The following SH3BP4 variants were observed in gnomAD, a reference collection of about 807,000 sequenced individuals.
SH3BP4 encodes SH3 domain-binding protein 4.
In SH3BP4, 33 loss-of-function variants were observed where a neutral mutation model predicts 65.5. The observed-to-expected ratio is 0.50, with a 90% CI of 0.38 to 0.67. The LOEUF (loss-of-function observed/expected upper bound fraction) is 0.67. Ranked by LOEUF, SH3BP4 falls within the 30% of genes least tolerant of loss-of-function variation. SH3BP4 has a pLI of 0.00. For missense variants in SH3BP4, 1,134 were observed against 1,261.4 expected, an observed-to-expected ratio of 0.90 and a Z score of 1.53; for synonymous variants, 552 against 545.5, an observed-to-expected ratio of 1.01 and a Z score of -0.17.
At chr2:234,998,642 AC>A (rs746711431) in intron 2 of SH3BP4, among the ~76,000 whole-genome samples, 2 of 152,242 alleles carry the variant, frequency 1.3e-5, no homozygotes, top group Non-Finnish European at 2.9e-5. Context: ...CTGTGTCACC[AC>A]CGCCTCTCTC....
intron 3 of SH3BP4, among the ~76,000 whole-genome samples, chr2:235,038,371 A>ATTTTT (rs1559254573): frequency 2.2e-5 from 1 of 45,886 alleles, no homozygotes; most frequent in East Asian, 5.7e-4. Flanking sequence ...TATATAATAT[A>ATTTTT]TATACATATA....
rs1695294297 is a variant in SH3BP4 at position 235,034,173 on chromosome 2, A to AT, written c.-132-698_-132-697insT. Among the ~76,000 whole-genome samples, 1 of 152,116 alleles carries AT rather than the reference A, an allele frequency of 6.6e-6. No individual in the cohort carries two copies. Among genetic ancestry groups the AT allele is most frequent in the South Asian group, 2.1e-4 (1 of 4,820 alleles). Reference sequence around the variant, plus strand: ...TCTGTGCGCCCTTCCAGAAAAAAAAAGCAGAGGCCTTAGGGGTGATTCTTG... The same window carrying AT: ...TCTGTGCGCCCTTCCAGAAAAAAAAATGCAGAGGCCTTAGGGGTGATTCTTG... On this transcript the variant is annotated intron_variant, in intron 2 of 5. Transcript: ENST00000392011. This position sits in a 1 kb window ranked among gnomAD's most constrained non-coding sequence, Gnocchi z 6.2.
chr2:235,050,559 T>C lies in SH3BP4; in HGVS notation c.2479-2003T>C, dbSNP rs985660824. Reference sequence around the variant, plus strand: ...GAATGATCTGTCGCTCCTGGTTCTTTTTAAATTCCATGGATTGAGATGCTG... The same window carrying C: ...GAATGATCTGTCGCTCCTGGTTCTTCTTAAATTCCATGGATTGAGATGCTG... On this transcript the variant is annotated intron_variant, in intron 4 of 5. Transcript: ENST00000392011. Among the ~76,000 whole-genome samples the C allele has an allele frequency of 2.0e-5, 3 of 152,202 alleles. No individual in the cohort carries two copies. The South Asian group carries it at 6.2e-4, about 32-fold the overall frequency.
rs147117082 is a variant in SH3BP4, at chr2:235,014,216, A to G, written c.-133+18840A>G. On this transcript the variant is annotated intron_variant, in intron 2 of 5. Coordinates refer to ENST00000392011, the MANE Select transcript of SH3BP4 (RefSeq NM_014521.3). ...CCGACATCAGCCTGATCCTTCAGGA[A>G]TGTTTGGCGAGCAGGATCGGGCGAT... Among the ~76,000 whole-genome samples, 854 of 152,286 alleles carry G rather than the reference A, an allele frequency of 5.6e-3. 6 individuals carry two copies. Among genetic ancestry groups the G allele is most frequent in the African/African-American group, 0.02 (818 of 41,550 alleles).
chr2:234,964,092 G>T (rs1016194353), intron 1 of SH3BP4, among the ~76,000 whole-genome samples: 2 of 152,194 alleles, frequency 1.3e-5, no homozygotes, highest in African/African-American at 4.8e-5. Flanking sequence ...CGCAGTATTT[G>T]TGAGTCATCC....
rs1047538941 is a variant in SH3BP4 at position 234,997,689 on chromosome 2, C to T, written c.-133+2313C>T. Among the ~76,000 whole-genome samples, 2 of 152,188 alleles carry T rather than the reference C, an allele frequency of 1.3e-5. No homozygotes were observed. The highest frequency in any genetic ancestry group is 4.8e-5 in the African/African-American group (2 of 41,442). ...GGCTGGGAAGGGTGAGCTCCAGCCCCCGGTGGCTTGAACACCCTCTGTAGT... is the reference window on the plus strand; with the variant it reads ...GGCTGGGAAGGGTGAGCTCCAGCCCTCGGTGGCTTGAACACCCTCTGTAGT... On this transcript the variant is annotated intron_variant, in intron 2 of 5. Coordinates refer to ENST00000392011, the MANE Select transcript of SH3BP4 (RefSeq NM_014521.3). The surrounding 1 kb of genome is among the most constrained non-coding windows in gnomAD (Gnocchi z 4.2).
chr2:234,963,278 T>C (rs911320373), intron 1 of SH3BP4, among the ~76,000 whole-genome samples: 1 of 152,220 alleles, frequency 6.6e-6, no homozygotes, highest in Admixed American at 6.5e-5. Context: ...GCATGTTAAG[T>C]TTCTCATTTG....
At chr2:235,017,078 G>A (rs1694708808) in intron 2 of SH3BP4, among the ~76,000 whole-genome samples, 2 of 112,840 alleles carry the variant, frequency 1.8e-5, no homozygotes, top group African/African-American at 3.6e-5. Flanking sequence ...TTGGTATATA[G>A]CCTTCTCATG....
intron 2 of SH3BP4, among the ~76,000 whole-genome samples, chr2:234,996,520 G>A (rs377260717): frequency 2.0e-5 from 3 of 152,160 alleles, no homozygotes; most frequent in East Asian, 1.9e-4. Context: ...TCAGTCCTCC[G>A]CCCACTGGGG....
chr2:234,960,679 C>T lies in SH3BP4; in HGVS notation c.-207+8509C>T, dbSNP rs191842531. ...CGCACACACTTGAAATGCTCAGTTG[C>T]ACTGTGTAATGTAGGATTTTTCCGT... On this transcript the variant is annotated intron_variant, in intron 1 of 5. Coordinates refer to ENST00000392011, the MANE Select transcript of SH3BP4 (RefSeq NM_014521.3). 5.9e-3 allele frequency among the ~76,000 whole-genome samples: 905 copies of T among 152,332 alleles called. 7 individuals are homozygous for T. Among genetic ancestry groups the T allele is most frequent in the South Asian group, 8.9e-3 (43 of 4,832 alleles).
intron 2 of SH3BP4, among the ~76,000 whole-genome samples, chr2:235,014,330 G>A (rs962900154): frequency 6.6e-6 from 1 of 152,122 alleles, no homozygotes; most frequent in Non-Finnish European, 1.5e-5. Flanking sequence ...CCTCTTTTTG[G>A]GGAGCTTACC....
intron 3 of SH3BP4, among the ~76,000 whole-genome samples, chr2:235,036,736 T>C (rs1198831265): frequency 2.6e-5 from 1 of 39,144 alleles, no homozygotes; most frequent in African/African-American, 3.0e-4. Flanking sequence ...AGACTCTATA[T>C]AAAAAATAAT....
At chr2:234,998,245 C>A (rs1311042435) in intron 2 of SH3BP4, among the ~76,000 whole-genome samples, 1 of 152,216 alleles carries the variant, frequency 6.6e-6, no homozygotes, top group African/African-American at 2.4e-5. Flanking sequence ...GGCACGTGAA[C>A]CACGTGGGCT....
At chr2:234,959,142 G>T (rs1692651242) in intron 1 of SH3BP4, among the ~76,000 whole-genome samples, 1 of 152,136 alleles carries the variant, frequency 6.6e-6, no homozygotes, top group African/African-American at 2.4e-5. Flanking sequence ...GGGCCCATTT[G>T]TCCTTAAGAC....
chr2:234,984,200 C>CGTTTGTTTGTTT (rs112568346), intron 1 of SH3BP4, among the ~76,000 whole-genome samples: 1,523 of 152,086 alleles, frequency 0.01, 29 homozygotes, highest in African/African-American at 0.032. Context: ...TATGAGTTTT[C>CGTTTGTTTGTTT]GTTTGTTTGT....
rs752722767 is a variant in SH3BP4, at chr2:235,052,434, A to G, written c.2479-128A>G. 7.6e-6 allele frequency: 5 copies of G among 653,600 alleles called. No homozygotes were observed. Among genetic ancestry groups the G allele is most frequent in the African/African-American group, 3.6e-5 (2 of 54,842 alleles). The allele number at this position is 653,600 out of a possible 1,614,324, so 40.5% of individuals were successfully genotyped here. On this transcript the variant is annotated intron_variant, in intron 4 of 5. Coordinates refer to ENST00000392011, the MANE Select transcript of SH3BP4 (RefSeq NM_014521.3). The surrounding 1 kb of genome is among the most constrained non-coding windows in gnomAD (Gnocchi z 5.0). ...TGATCGATTTCAGGGGACATTTGGT[A>G]GTAGGCCAGGGAACATGGAGAATAG...
chr2:234,983,936 G>C (rs1693467327), intron 1 of SH3BP4, among the ~76,000 whole-genome samples: 1 of 152,248 alleles, frequency 6.6e-6, no homozygotes, highest in Non-Finnish European at 1.5e-5. Context: ...CTGTTGGAGA[G>C]TCAATGTGTG....
rs1037621789 is a variant in SH3BP4, at chr2:234,969,829, G to T, written c.-207+17659G>T. On this transcript the variant is annotated intron_variant, in intron 1 of 5. Coordinates refer to ENST00000392011, the MANE Select transcript of SH3BP4 (RefSeq NM_014521.3). ...CTTCTCAGCTTTCAGGCTGAGACGCGTGCTTGCGCGCACACACACACCCCC... is the reference window on the plus strand; with the variant it reads ...CTTCTCAGCTTTCAGGCTGAGACGCTTGCTTGCGCGCACACACACACCCCC... Among the ~76,000 whole-genome samples, 3 of 152,074 alleles carry T rather than the reference G, an allele frequency of 2.0e-5. No homozygotes were observed. In the South Asian group the frequency reaches 6.2e-4, roughly 31 times the overall value.
chr2:235,023,039 T>C (rs775369113), intron 2 of SH3BP4, among the ~76,000 whole-genome samples: 2 of 152,178 alleles, frequency 1.3e-5, no homozygotes, highest in African/African-American at 4.8e-5. Context: ...TTTATTTTCA[T>C]GTAACGGCAA....
Sources: allele counts gnomAD v4.1 joint callset (sites outside exome capture counted in the v4.1 genomes callset), GRCh38; gene constraint gnomAD v4.1.1; non-coding constraint Gnocchi (gnomAD v3.1); transcripts MANE v1.5; gene names NCBI Gene and HGNC (gene_info 2026-07-23, HGNC 2026-07-21).